PSMD5: variants seen among roughly 807,000 people sequenced by gnomAD.
PSMD5 encodes the protein proteasome 26S subunit, non-ATPase 5, also known as 26S proteasome non-ATPase regulatory subunit 5.
A neutral mutation model predicts 52.1 loss-of-function variants in PSMD5; 40 were observed. The ratio of observed to expected loss-of-function variants is 0.77; its 90% CI spans 0.60 to 1.00. PSMD5 has a LOEUF of 1.00. PSMD5 is among the 50% of genes least tolerant of loss of function. The pLI is 0.00. For missense variants in PSMD5, 575 were observed against 605.2 expected (o/e 0.95, Z 0.52); for synonymous variants, 211 against 226.6 (o/e 0.93, Z 0.62).
chr9:120,841,466 G>C (rs1181984106), intron 1 of PSMD5, among the ~76,000 whole-genome samples: 4 of 151,960 alleles, frequency 2.6e-5, no homozygotes, highest in African/African-American at 9.7e-5. Flanking sequence ...GTAGTCCCAG[G>C]TACTCGGCAG....
At chr9:120,836,377 G>A (rs765932712) in intron 1 of PSMD5, among the ~76,000 whole-genome samples, 1 of 150,402 alleles carries the variant, frequency 6.6e-6, no homozygotes, top group African/African-American at 2.4e-5. Context: ...ATCTTTCTAC[G>A]TGCATATTTA....
At chr9:120,818,758 A>G (rs983426474) in intron 9 of PSMD5, among the ~76,000 whole-genome samples, 9 of 148,102 alleles carry the variant, frequency 6.1e-5, no homozygotes, top group Admixed American at 4.7e-4. Context: ...ATTGAAGAGA[A>G]AAAAAAAAAA....
At chr9:120,834,137 A>G (rs1279313128) in intron 1 of PSMD5, among the ~76,000 whole-genome samples, 3 of 151,616 alleles carry the variant, frequency 2.0e-5, no homozygotes, top group Non-Finnish European at 4.4e-5. Flanking sequence ...ATGCCACCAC[A>G]CCCGGCTAAC....
intron 4 of PSMD5, among the ~76,000 whole-genome samples, chr9:120,830,314 T>C (rs2045151070): frequency 6.6e-6 from 1 of 152,130 alleles, no homozygotes; most frequent in South Asian, 2.1e-4. Context: ...GCCTAGAATA[T>C]ACCCAAGGGG....
intron 6 of PSMD5, among the ~76,000 whole-genome samples, chr9:120,825,993 CTT>C (rs1194375987): frequency 1.1e-4 from 14 of 131,250 alleles, no homozygotes; most frequent in Admixed American, 2.3e-4. Context: ...TTGTCCTGAT[CTT>C]TTTTTTTTTT....
Position 120,842,723 on chromosome 9 carries a change from C to T in PSMD5, c.173+14G>A, listed in dbSNP as rs1588075162. 1.2e-6 allele frequency: 2 copies of T among 1,612,946 alleles called. No homozygotes were observed. Among genetic ancestry groups the T allele is most frequent in the East Asian group, 4.5e-5 (2 of 44,884 alleles). On this transcript the variant is annotated intron_variant, in intron 1 of 9. Coordinates refer to ENST00000210313, the MANE Select transcript of PSMD5 (RefSeq NM_005047.4). ...TGCCCCTCTCCTCGGCTCAAGCCCCCGGGGTCCTCTCACCTATGGTTCTCG... is the reference window on the plus strand; with the variant it reads ...TGCCCCTCTCCTCGGCTCAAGCCCCTGGGGTCCTCTCACCTATGGTTCTCG...
At chr9:120,832,395 T>G (rs2045167729) in intron 2 of PSMD5, among the ~76,000 whole-genome samples, 1 of 139,350 alleles carries the variant, frequency 7.2e-6, no homozygotes, top group African/African-American at 2.6e-5. Context: ...CCCCCAACCT[T>G]TTTTTTTTTT....
intron 3 of PSMD5, 39 bp from the exon 4 acceptor site, chr9:120,831,498 G>T: frequency 6.4e-7 from 1 of 1,565,490 alleles, no homozygotes. Flanking sequence ...TTCCCAAAAT[G>T]CAGGTTATTA....
At chr9:120,838,986 A>G (rs958544039) in intron 1 of PSMD5, among the ~76,000 whole-genome samples, 8 of 152,260 alleles carry the variant, frequency 5.3e-5, no homozygotes, top group African/African-American at 1.9e-4. Context: ...TATCATTAAC[A>G]GAAATAACAA....
intron 7 of PSMD5, among the ~76,000 whole-genome samples, chr9:120,822,313 G>T (rs1444375274): frequency 6.6e-6 from 1 of 152,090 alleles, no homozygotes; most frequent in East Asian, 1.9e-4. Context: ...TATAAAACTG[G>T]AATCAAAGGA....
At position 120,817,821 on chromosome 9, in the gene PSMD5, C is replaced by CT. The variant is rs1190467208; in HGVS notation, c.*84dup. 2 of 1,384,314 alleles carry CT rather than the reference C, an allele frequency of 1.4e-6. No homozygotes were observed. Among genetic ancestry groups the CT allele is most frequent in the Non-Finnish European group, 2.0e-6 (2 of 1,014,902 alleles). 85.8% of individuals were successfully genotyped at this position (1,384,314 alleles called of 1,614,324 possible). A position where few individuals can be genotyped will look rare whatever the true frequency, so the allele number is the denominator to read the frequency against. Reference sequence around the variant, plus strand: ...ATGATAATTCTTGGGGAAAGGAAGTCTCTTTTGTGAAATATAGATGGAGTC... The same window carrying CT: ...ATGATAATTCTTGGGGAAAGGAAGTCTTCTTTTGTGAAATATAGATGGAGTC... On this transcript the variant is annotated 3_prime_UTR_variant, in exon 10 of 10. Coordinates refer to ENST00000210313, the MANE Select transcript of PSMD5 (RefSeq NM_005047.4).
rs2045046568 is a variant in PSMD5 at position 120,816,906 on chromosome 9, CA to C, written c.*999del. ...ATTGACTTTATAGGTATGAAAAATC[CA>C]AAGCAAAACCCTCAGCAATCATGAC... On this transcript the variant is annotated 3_prime_UTR_variant, in exon 10 of 10. Transcript: ENST00000210313. 1 of 151,996 alleles carries C rather than the reference CA, an allele frequency of 6.6e-6. No homozygotes were observed. The highest frequency in any genetic ancestry group is 2.4e-5 in the African/African-American group (1 of 41,372). 9.4% of individuals were successfully genotyped at this position (151,996 alleles called of 1,614,324 possible).
At chr9:120,830,290 C>T (rs1262727942) in intron 4 of PSMD5, among the ~76,000 whole-genome samples, 1 of 152,078 alleles carries the variant, frequency 6.6e-6, no homozygotes, top group Non-Finnish European at 1.5e-5. Flanking sequence ...TTGATTTCAG[C>T]ATGAGTTTGA....
chr9:120,828,018 C>T (rs958475495), intron 5 of PSMD5, among the ~76,000 whole-genome samples: 2 of 152,028 alleles, frequency 1.3e-5, no homozygotes, highest in Admixed American at 6.6e-5. Flanking sequence ...TTTTTTGAGA[C>T]GGAGTTTTGC....
rs754888466 is a variant in PSMD5 at position 120,842,777 on chromosome 9, G to A, written c.133C>T (p.Arg45Cys). The change falls in exon 1 of 10, where the codon CGC becomes TGC. Residue 45 changes from arginine to cysteine, a missense_variant. Arg to Cys is a radical substitution (Grantham distance 180). Coordinates refer to ENST00000210313, the MANE Select transcript of PSMD5 (RefSeq NM_005047.4). ...AGCAGGGAGAAGAGCGGGCCGAGGC[G>A]CAGCTCCGCCGCTTGCTGGCGAAGC... ...NELRQQAAEL[R>C]LGPLFSLLNE... The A allele has an allele frequency of 5.0e-6, 8 of 1,612,936 alleles. No individual in the cohort carries two copies. In the East Asian group the frequency reaches 1.3e-4, roughly 27 times the overall value.
At chr9:120,831,972 C>G in intron 2 of PSMD5, 27 bp from the exon 3 acceptor site, 1 of 1,605,756 alleles carries the variant, frequency 6.2e-7, no homozygotes, top group South Asian at 1.1e-5. Flanking sequence ...CAGAAACACT[C>G]TTCTAAAGTA....
chr9:120,837,464 G>A (rs1018077465), intron 1 of PSMD5, among the ~76,000 whole-genome samples: 1 of 152,210 alleles, frequency 6.6e-6, no homozygotes, highest in Admixed American at 6.5e-5. Context: ...CTGAATAGCT[G>A]GGACCACAGG....
intron 3 of PSMD5, 33 bp from the exon 4 acceptor site, chr9:120,831,492 C>A: frequency 6.4e-7 from 1 of 1,570,584 alleles, no homozygotes; most frequent in Non-Finnish European, 8.6e-7. Context: ...CTTACATTCC[C>A]AAAATGCAGG....
rs557978515 is a variant in PSMD5 at position 120,821,665 on chromosome 9, T to C, written c.1007-201A>G. ...CTGTATCCATCAAACAATAATTCCCTTTCTTCTCTACCCTCATCCCCTGCC... is the reference window on the plus strand; with the variant it reads ...CTGTATCCATCAAACAATAATTCCCCTTCTTCTCTACCCTCATCCCCTGCC... On this transcript the variant is annotated intron_variant, in intron 7 of 9. Coordinates refer to ENST00000210313, the MANE Select transcript of PSMD5 (RefSeq NM_005047.4). Among the ~76,000 whole-genome samples, 5 of 152,316 alleles carry C rather than the reference T, an allele frequency of 3.3e-5. No homozygotes were observed. The South Asian group carries it at 1.0e-3, about 32-fold the overall frequency.
Sources: allele counts gnomAD v4.1 joint callset (sites outside exome capture counted in the v4.1 genomes callset), GRCh38; gene constraint gnomAD v4.1.1; transcripts MANE v1.5; gene names NCBI Gene and HGNC (gene_info 2026-07-23, HGNC 2026-07-21).